The following DOCK7 variants were observed in gnomAD, a reference collection of about 807,000 sequenced individuals.
DOCK7 encodes the protein dedicator of cytokinesis 7, also known as dedicator of cytokinesis protein 7.
DOCK7 carries 138 observed loss-of-function variants against 271.0 expected under a neutral mutation model. That is an observed-to-expected ratio of 0.51 (90% CI 0.44 to 0.59). The LOEUF is 0.59. Ranked by LOEUF, DOCK7 falls within the 20% of genes least tolerant of loss-of-function variation. The pLI is 0.00. For synonymous variants in DOCK7, 823 were observed against 876.1 expected (o/e 0.94, Z 1.07); for missense variants, 2,066 against 2,592.4 (o/e 0.80, Z 4.41).
At chr1:62,589,814 G>A (rs950171594) in intron 14 of DOCK7, among the ~76,000 whole-genome samples, 19 of 150,578 alleles carry the variant, frequency 1.3e-4, no homozygotes, top group Non-Finnish European at 1.9e-4. Flanking sequence ...CCCGGTAGGC[G>A]GAGCTTGCAG....
intron 43 of DOCK7, 94 bp from the exon 44 acceptor site, chr1:62,477,919 C>T: frequency 7.6e-7 from 1 of 1,317,040 alleles, no homozygotes; most frequent in Non-Finnish European, 1.0e-6. Context: ...ATAAAATTTC[C>T]AAAACATTGC....
chr1:62,467,733 T>TA (rs1370829585), intron 48 of DOCK7, among the ~76,000 whole-genome samples: 6 of 152,148 alleles, frequency 3.9e-5, no homozygotes, highest in African/African-American at 1.4e-4. Flanking sequence ...GAGAAAGAGA[T>TA]AATCCTTCCT....
At chr1:62,479,351 T>G (rs559121531) in intron 43 of DOCK7, among the ~76,000 whole-genome samples, 1 of 152,162 alleles carries the variant, frequency 6.6e-6, no homozygotes, top group Non-Finnish European at 1.5e-5. Flanking sequence ...AAGAAAAATG[T>G]ATTTGGAGCT....
intron 14 of DOCK7, among the ~76,000 whole-genome samples, chr1:62,603,506 A>T (rs2149540568): frequency 6.6e-6 from 1 of 151,880 alleles, no homozygotes; most frequent in African/African-American, 2.4e-5. Context: ...GCATACATTA[A>T]GCAAATACCA....
intron 37 of DOCK7, among the ~76,000 whole-genome samples, chr1:62,503,106 G>T: frequency 6.6e-6 from 1 of 151,980 alleles, no homozygotes; most frequent in African/African-American, 2.4e-5. Context: ...CTCTTAAGAA[G>T]ATACAGTAGT....
intron 14 of DOCK7, among the ~76,000 whole-genome samples, chr1:62,591,564 T>C (rs374056085): frequency 2.6e-5 from 4 of 152,064 alleles, no homozygotes; most frequent in African/African-American, 9.6e-5. Context: ...CAAAAAAATC[T>C]GCTCACAAAT....
intron 14 of DOCK7, among the ~76,000 whole-genome samples, chr1:62,594,288 C>G (rs1257535539): frequency 6.6e-6 from 1 of 152,004 alleles, no homozygotes; most frequent in Non-Finnish European, 1.5e-5. Context: ...AATGCATTTT[C>G]CCACGTTGAA....
intron 10 of DOCK7, among the ~76,000 whole-genome samples, chr1:62,632,550 T>C (rs1654750490): frequency 6.6e-6 from 1 of 152,246 alleles, no homozygotes; most frequent in Admixed American, 6.5e-5. Context: ...AGCATACTTC[T>C]CCCAGAAGTT....
intron 19 of DOCK7, among the ~76,000 whole-genome samples, chr1:62,560,406 C>T (rs146291467): frequency 1.3e-5 from 2 of 152,224 alleles, no homozygotes; most frequent in Non-Finnish European, 2.9e-5. Flanking sequence ...TAATTACAAC[C>T]ACCTACAGGA....
chr1:62,636,475 CA>C (rs1413229181), intron 8 of DOCK7, 61 bp downstream of exon 8: 4 of 1,300,930 alleles, frequency 3.1e-6, no homozygotes, highest in Non-Finnish European at 4.3e-6. Context: ...TCTTATAAAA[CA>C]AACAGGTTTC....
At chr1:62,507,488 A>G (rs1377997940) in intron 35 of DOCK7, among the ~76,000 whole-genome samples, 3 of 152,246 alleles carry the variant, frequency 2.0e-5, no homozygotes, top group African/African-American at 4.8e-5. Flanking sequence ...TAACACAGAA[A>G]AAACTAAATA....
At chr1:62,581,795 A>G (rs992849520) in intron 16 of DOCK7, among the ~76,000 whole-genome samples, 1 of 152,212 alleles carries the variant, frequency 6.6e-6, no homozygotes, top group Non-Finnish European at 1.5e-5. Context: ...GCTCAAGACA[A>G]GGCCACAATA....
At chr1:62,666,091 GA>G (rs1659284502) in intron 1 of DOCK7, among the ~76,000 whole-genome samples, 1 of 151,884 alleles carries the variant, frequency 6.6e-6, no homozygotes, top group African/African-American at 2.4e-5. Context: ...GAGAACCCAG[GA>G]GGCAGAGCTT....
chr1:62,583,298 C>T (rs779117065), intron 15 of DOCK7, 44 bp from the exon 16 acceptor site: 50 of 1,508,856 alleles, frequency 3.3e-5, no homozygotes, highest in Middle Eastern at 2.0e-4. Flanking sequence ...GTAGTAAATG[C>T]TGGATGTTTC....
intron 31 of DOCK7, among the ~76,000 whole-genome samples, chr1:62,524,781 C>T (rs1644949188): frequency 6.6e-6 from 1 of 150,618 alleles, no homozygotes; most frequent in African/African-American, 2.5e-5. Flanking sequence ...ATCTGTAATC[C>T]CAGCTACTCG....
intron 7 of DOCK7, among the ~76,000 whole-genome samples, chr1:62,640,917 T>C (rs773118998): frequency 1.4e-4 from 22 of 152,340 alleles, no homozygotes; most frequent in Admixed American, 8.5e-4. Flanking sequence ...AGACAAATTA[T>C]GTCTGCACAA....
chr1:62,553,983 G>A (rs995823468), intron 21 of DOCK7, among the ~76,000 whole-genome samples: 3 of 152,078 alleles, frequency 2.0e-5, no homozygotes, highest in Non-Finnish European at 4.4e-5. Flanking sequence ...AGTCACTAGA[G>A]AGAGTGCCAA....
At chr1:62,527,720 G>A (rs1645052691) in intron 31 of DOCK7, among the ~76,000 whole-genome samples, 1 of 140,952 alleles carries the variant, frequency 7.1e-6, no homozygotes, top group Non-Finnish European at 1.5e-5. Flanking sequence ...ACATACCGGG[G>A]CCTGTTGTGG....
chr1:62,503,220 G>A (rs1646837272), intron 37 of DOCK7, among the ~76,000 whole-genome samples: 1 of 140,686 alleles, frequency 7.1e-6, no homozygotes, highest in Non-Finnish European at 1.6e-5. Context: ...AGGATATAGA[G>A]AGACACAATA....
Sources: allele counts gnomAD v4.1 joint callset (sites outside exome capture counted in the v4.1 genomes callset), GRCh38; gene constraint gnomAD v4.1.1; transcripts MANE v1.5; gene names NCBI Gene and HGNC (gene_info 2026-07-23, HGNC 2026-07-21).